The following TOM1 variants were observed in gnomAD, a reference collection of about 807,000 sequenced individuals.
The protein encoded by TOM1 is target of myb1 membrane trafficking protein, also known as target of Myb protein 1.
TOM1 carries 38 observed loss-of-function variants against 61.3 expected under a neutral mutation model. That is an observed-to-expected ratio of 0.62 (90% confidence interval 0.48 to 0.81). TOM1 has a LOEUF of 0.81. Ranked by LOEUF, TOM1 falls within the 40% of genes least tolerant of loss-of-function variation. The pLI, the probability that TOM1 is intolerant of heterozygous loss-of-function variation, is 0.00. For synonymous variants in TOM1, 270 were observed against 268.8 expected, an observed-to-expected ratio of 1.00 and a Z score of -0.04; for missense variants, 591 against 659.6, an observed-to-expected ratio of 0.90 and a Z score of 1.14.
At chr22:35,332,937 T>C in intron 8 of TOM1, 44 bp from the exon 9 acceptor site, 1 of 1,608,270 alleles carries the variant, frequency 6.2e-7, no homozygotes, top group Admixed American at 1.7e-5. Flanking sequence ...TGTGGGGGCC[T>C]GTCTCAGTCT....
At chr22:35,331,093 CTTT>C (rs773623729) in intron 8 of TOM1, among the ~76,000 whole-genome samples, 26 of 127,144 alleles carry the variant, frequency 2.0e-4, no homozygotes, top group African/African-American at 7.2e-4. Flanking sequence ...ACCTGTCCAC[CTTT>C]TTTTTTTTTT....
chr22:35,334,737 G>A (rs1165315553), intron 11 of TOM1, among the ~76,000 whole-genome samples: 2 of 152,128 alleles, frequency 1.3e-5, no homozygotes, highest in African/African-American at 2.4e-5. Context: ...CACAGAGAGG[G>A]GCAGGCTCAT....
intron 7 of TOM1, among the ~76,000 whole-genome samples, chr22:35,329,142 C>T (rs1928598361): frequency 6.6e-6 from 1 of 152,052 alleles, no homozygotes; most frequent in South Asian, 2.1e-4. Context: ...TATTAGTAGA[C>T]ACAGGGTTTC....
intron 1 of TOM1, among the ~76,000 whole-genome samples, chr22:35,301,852 G>T (rs1269289415): frequency 2.0e-5 from 3 of 152,126 alleles, no homozygotes; most frequent in African/African-American, 7.2e-5. Flanking sequence ...GTTTTTTGGA[G>T]CTGAAAAGAG....
Position 35,323,245 on chromosome 22 carries a change from G to A in TOM1, c.366+68G>A. The A allele has an allele frequency of 6.3e-7, 1 of 1,576,112 alleles. No homozygotes were observed. The highest frequency in any genetic ancestry group is 1.1e-5 in the South Asian group (1 of 89,172). On this transcript the variant is annotated intron_variant, in intron 4 of 14. Transcript: ENST00000449058. The surrounding 1 kb of genome is among the most constrained non-coding windows in gnomAD (Gnocchi z 4.2). ...CAGTGCAGGAGCTTCCTGCCCAGTGGAGAGTCGAGGCCATCGTGTTTGTCC... is the reference window on the plus strand; with the variant it reads ...CAGTGCAGGAGCTTCCTGCCCAGTGAAGAGTCGAGGCCATCGTGTTTGTCC...
In TOM1 at chr22:35,346,537, G is replaced by A. The variant is rs1448799176; in HGVS notation, c.1285-393G>A. On this transcript the variant is annotated intron_variant, in intron 13 of 14. Coordinates refer to ENST00000449058, the MANE Select transcript of TOM1 (RefSeq NM_005488.3). The stretch of plus-strand genomic sequence containing the variant: ...TGGATGTCAGCCTTTCCCCCCCAGG[G>A]GTGAGGACCACCCACCCCTTGTGAC... Among the ~76,000 whole-genome samples the A allele has an allele frequency of 3.3e-5, 5 of 152,178 alleles. No homozygotes were observed. The East Asian group carries it at 9.6e-4, about 29-fold the overall frequency.
At chr22:35,333,050 T>C in intron 9 of TOM1, 36 bp downstream of exon 9, 1 of 1,611,200 alleles carries the variant, frequency 6.2e-7, no homozygotes, top group East Asian at 2.2e-5. Context: ...GATCAGGCCC[T>C]GTTCATGGGA....
intron 1 of TOM1, among the ~76,000 whole-genome samples, chr22:35,302,878 G>A (rs548141988): frequency 6.6e-6 from 1 of 152,290 alleles, no homozygotes; most frequent in African/African-American, 2.4e-5. Flanking sequence ...TAGATAAAGA[G>A]GCGGAGGAAG....
intron 12 of TOM1, among the ~76,000 whole-genome samples, chr22:35,343,694 CTCAT>C (rs1569041537): frequency 6.9e-6 from 1 of 145,546 alleles, no homozygotes; most frequent in South Asian, 2.3e-4. Context: ...CACCTACACA[CTCAT>C]ACACCTACAC....
chr22:35,340,315 G>A (rs73406712), intron 12 of TOM1, among the ~76,000 whole-genome samples: 2,813 of 152,244 alleles, frequency 0.018, 83 homozygotes, highest in African/African-American at 0.065. Flanking sequence ...AAGCTCTATG[G>A]GTATATAGCA....
At position 35,323,560 on chromosome 22, in the gene TOM1, T is replaced by C; in HGVS notation, c.431T>C (p.Leu144Pro). The C allele has an allele frequency of 1.2e-6, 2 of 1,614,100 alleles. No individual in the cohort carries two copies. The highest frequency in any genetic ancestry group is 1.7e-6 in the Non-Finnish European group (2 of 1,180,030). ...LTGVVTIYEDLRRKGLEFPMT... is the reference protein window; with the variant it reads ...LTGVVTIYEDPRRKGLEFPMT... ...GGTGTGGTCACCATCTATGAGGACCTGCGGAGGAAAGGCCTGGAGTTCCCC... is the reference window on the plus strand; with the variant it reads ...GGTGTGGTCACCATCTATGAGGACCCGCGGAGGAAAGGCCTGGAGTTCCCC... The change falls in exon 5 of 15, where the codon CTG becomes CCG. Residue 144 changes from leucine to proline, a missense_variant. By Grantham distance (98) the Leu-to-Pro change is moderately conservative. Coordinates refer to ENST00000449058, the MANE Select transcript of TOM1 (RefSeq NM_005488.3). The surrounding 1 kb of genome is among the most constrained non-coding windows in gnomAD (Gnocchi z 4.2).
chr22:35,312,866 A>C (rs1926956294), intron 1 of TOM1, among the ~76,000 whole-genome samples: 2 of 152,186 alleles, frequency 1.3e-5, no homozygotes, highest in South Asian at 4.1e-4. Context: ...GGTGATGGAC[A>C]ATGTTTAAAC....
intron 1 of TOM1, among the ~76,000 whole-genome samples, chr22:35,304,579 C>T (rs1926152504): frequency 1.3e-5 from 2 of 152,128 alleles, no homozygotes; most frequent in African/African-American, 4.8e-5. Flanking sequence ...CCCGGGTTCA[C>T]GCCATTCTCC....
chr22:35,329,957 TGC>T (rs1928673526), intron 7 of TOM1, among the ~76,000 whole-genome samples: 1 of 152,152 alleles, frequency 6.6e-6, no homozygotes, highest in African/African-American at 2.4e-5. Flanking sequence ...CCAAGGCTTG[TGC>T]AGGGGCTGGA....
intron 8 of TOM1, among the ~76,000 whole-genome samples, chr22:35,331,084 C>G (rs892066985): frequency 9.3e-5 from 14 of 149,914 alleles, no homozygotes; most frequent in African/African-American, 3.2e-4. Context: ...TCCACAAACA[C>G]CTGTCCACCT....
rs866164540 is a variant in TOM1 at position 35,342,079 on chromosome 22, T to C, written c.1224+3291T>C. 4.3e-4 allele frequency among the ~76,000 whole-genome samples: 66 copies of C among 152,150 alleles called. 1 individual carries two copies. Among genetic ancestry groups the C allele is most frequent in the African/African-American group, 1.6e-3 (65 of 41,482 alleles). On this transcript the variant is annotated intron_variant, in intron 12 of 14. Transcript: ENST00000449058. ...TCACTTAAACCCAGGAGTTTGAGGT[T>C]ATCGTGAGCTATGACTGTACCACTG...
In TOM1 at chr22:35,346,973, G is replaced by A. The variant is rs1601724164; in HGVS notation, c.1324+4G>A. On this transcript the variant is annotated splice_donor_region_variant and intron_variant, in intron 14 of 14. Transcript: ENST00000449058. ...CCTAAGGGGGTCACCAGCGAAGGTA[G>A]TAGTCCCCGCCCCTGCCCGCCCTCT... 2 of 1,612,886 alleles carry A rather than the reference G, an allele frequency of 1.2e-6. No individual in the cohort carries two copies. Among genetic ancestry groups the A allele is most frequent in the African/African-American group, 1.3e-5 (1 of 75,000 alleles).
At chr22:35,309,472 C>T (rs1191540449) in intron 1 of TOM1, among the ~76,000 whole-genome samples, 2 of 152,030 alleles carry the variant, frequency 1.3e-5, no homozygotes, top group Non-Finnish European at 2.9e-5. Flanking sequence ...GGTAAAACCC[C>T]ATCTTTACTA....
intron 2 of TOM1, among the ~76,000 whole-genome samples, chr22:35,321,468 G>A (rs540211705): frequency 3.9e-5 from 6 of 151,916 alleles, no homozygotes; most frequent in Admixed American, 1.3e-4. Flanking sequence ...GCGTAATCTC[G>A]GCTCACTGCA....
Sources: gnomAD v4.1 joint callset for allele counts (sites outside exome capture counted in the v4.1 genomes callset) on GRCh38, gnomAD v4.1.1 for gene constraint, Gnocchi (gnomAD v3.1) non-coding constraint, MANE v1.5 for transcripts, NCBI Gene and HGNC (gene_info 2026-07-23, HGNC 2026-07-21) for gene names.